SLC35D2: variants seen among roughly 807,000 people sequenced by gnomAD.
SLC35D2 encodes nucleotide sugar transporter SLC35D2.
In SLC35D2, 43 loss-of-function variants were observed where a neutral mutation model predicts 41.8. The observed-to-expected ratio is 1.03, with a 90% CI of 0.81 to 1.33. SLC35D2 has a LOEUF of 1.33. Ranked by LOEUF, SLC35D2 falls within the 40% of genes most tolerant of loss-of-function variation. SLC35D2 has a pLI of 0.00. For missense variants in SLC35D2, 380 were observed against 408.4 expected (o/e 0.93, Z 0.60); for synonymous variants, 150 against 163.9 (o/e 0.92, Z 0.65).
chr9:96,366,133 T>C (rs1274082841), intron 2 of SLC35D2, among the ~76,000 whole-genome samples: 1 of 151,768 alleles, frequency 6.6e-6, no homozygotes, highest in African/African-American at 2.4e-5. Flanking sequence ...CGAAACCCTA[T>C]CTCTACAAAA....
chr9:96,328,286 G>A (rs59454611), intron 9 of SLC35D2, among the ~76,000 whole-genome samples: 1 of 151,960 alleles, frequency 6.6e-6, no homozygotes, highest in Non-Finnish European at 1.5e-5. Context: ...GCTCAGGCTG[G>A]AGTACAGTGG....
chr9:96,352,809 G>A (rs1829861807), intron 4 of SLC35D2, among the ~76,000 whole-genome samples: 1 of 151,966 alleles, frequency 6.6e-6, no homozygotes, highest in Non-Finnish European at 1.5e-5. Context: ...AGGCCGAGGT[G>A]GGCAGATCAC....
intron 9 of SLC35D2, among the ~76,000 whole-genome samples, chr9:96,329,567 G>C (rs1828714523): frequency 6.6e-6 from 1 of 152,124 alleles, no homozygotes; most frequent in Admixed American, 6.6e-5. Flanking sequence ...TCACATCTAT[G>C]ATCTTCAAAA....
At position 96,348,157 on chromosome 9, in the gene SLC35D2, G is replaced by A. The variant is rs147834829; in HGVS notation, c.489-2756C>T. Among the ~76,000 whole-genome samples the A allele has an allele frequency of 2.1e-4, 32 of 152,276 alleles. No homozygotes were observed. In the East Asian group the frequency reaches 6.2e-3, roughly 29 times the overall value. On this transcript the variant is annotated intron_variant, in intron 6 of 11. Coordinates refer to ENST00000253270, the MANE Select transcript of SLC35D2 (RefSeq NM_007001.3). Reference sequence around the variant, plus strand: ...ATCCAAGAACCCTCTCTTGGGGTCTGGATCAGGACCCTTTCCTGTAACAGG... The same window carrying A: ...ATCCAAGAACCCTCTCTTGGGGTCTAGATCAGGACCCTTTCCTGTAACAGG...
intron 4 of SLC35D2, among the ~76,000 whole-genome samples, chr9:96,356,905 G>T (rs545849010): frequency 2.6e-5 from 4 of 151,768 alleles, no homozygotes; most frequent in Non-Finnish European, 5.9e-5. Flanking sequence ...AGATAGGCTG[G>T]GCGTGGTGGC....
At chr9:96,371,766 G>A (rs1280722514) in intron 1 of SLC35D2, among the ~76,000 whole-genome samples, 3 of 109,596 alleles carry the variant, frequency 2.7e-5, no homozygotes, top group African/African-American at 3.7e-5. Flanking sequence ...TCGCTCTGTC[G>A]CCCAGGCTGG....
chr9:96,323,016 GTTTTTC>G (rs1337338909), intron 10 of SLC35D2, among the ~76,000 whole-genome samples: 2 of 146,170 alleles, frequency 1.4e-5, no homozygotes, highest in African/African-American at 5.0e-5. Flanking sequence ...ACTGTGCCTG[GTTTTTC>G]TTTTTTTTTT....
chr9:96,343,890 T>G lies in SLC35D2; in HGVS notation c.684+14A>C. On this transcript the variant is annotated intron_variant, in intron 8 of 11. Coordinates refer to ENST00000253270, the MANE Select transcript of SLC35D2 (RefSeq NM_007001.3). ...GCCAGCTAAGGAAAACTGTAATGAT[T>G]GTCATCAGCTCACCTGTTGCAGGTC... The G allele has an allele frequency of 6.7e-7, 1 of 1,485,788 alleles. No homozygotes were observed. Among genetic ancestry groups the G allele is most frequent in the Non-Finnish European group, 9.0e-7 (1 of 1,107,884 alleles). The allele number at this position is 1,485,788 out of a possible 1,614,324, so 92.0% of individuals were successfully genotyped here. A position where few individuals can be genotyped will look rare whatever the true frequency, so the allele number is the denominator to read the frequency against.
At chr9:96,349,917 T>C (rs965951560) in intron 6 of SLC35D2, among the ~76,000 whole-genome samples, 1 of 152,106 alleles carries the variant, frequency 6.6e-6, no homozygotes, top group African/African-American at 2.4e-5. Flanking sequence ...TCCTCCCTCT[T>C]TAAACTACTT....
intron 9 of SLC35D2, among the ~76,000 whole-genome samples, chr9:96,329,329 C>T (rs1008428179): frequency 9.2e-5 from 14 of 151,912 alleles, no homozygotes; most frequent in Admixed American, 1.3e-4. Flanking sequence ...CTCCTGAGCT[C>T]AAGCAATCCT....
At chr9:96,329,722 A>C (rs973304120) in intron 9 of SLC35D2, among the ~76,000 whole-genome samples, 1 of 152,188 alleles carries the variant, frequency 6.6e-6, no homozygotes, top group African/African-American at 2.4e-5. Context: ...TAGCTTTTAA[A>C]CTTTTATTTT....
At chr9:96,381,347 G>A (rs539490266) in intron 1 of SLC35D2, among the ~76,000 whole-genome samples, 2 of 152,316 alleles carry the variant, frequency 1.3e-5, no homozygotes, top group African/African-American at 4.8e-5. Flanking sequence ...CAGAGCCCTG[G>A]CGGTGGCCTC....
chr9:96,330,526 T>C (rs1034735500), intron 9 of SLC35D2, among the ~76,000 whole-genome samples: 3 of 152,212 alleles, frequency 2.0e-5, no homozygotes, highest in African/African-American at 4.8e-5. Flanking sequence ...TGACACAACA[T>C]GTATCCTGCA....
At chr9:96,327,870 C>G (rs751364651) in intron 9 of SLC35D2, among the ~76,000 whole-genome samples, 7 of 148,612 alleles carry the variant, frequency 4.7e-5, no homozygotes, top group Admixed American at 6.7e-5. Flanking sequence ...AATCCTCCCT[C>G]TCTGGCCTCC....
downstream of SLC35D2, among the ~76,000 whole-genome samples, chr9:96,320,038 C>T (rs1828152870): frequency 6.6e-6 from 1 of 152,228 alleles, no homozygotes; most frequent in African/African-American, 2.4e-5. Context: ...TCCCGCACTC[C>T]AGTTCCAGTG....
intron 1 of SLC35D2, among the ~76,000 whole-genome samples, chr9:96,382,253 T>C (rs1831224816): frequency 6.6e-6 from 1 of 151,652 alleles, no homozygotes; most frequent in African/African-American, 2.4e-5. Flanking sequence ...AAAGCAGGCC[T>C]AGACCAGCCT....
At chr9:96,336,269 G>A (rs1013660282) in intron 9 of SLC35D2, among the ~76,000 whole-genome samples, 1 of 152,078 alleles carries the variant, frequency 6.6e-6, no homozygotes, top group African/African-American at 2.4e-5. Flanking sequence ...TGCCAGGCCT[G>A]GAGGCAGGAG....
At chr9:96,340,968 T>C (rs1829298340) in intron 8 of SLC35D2, among the ~76,000 whole-genome samples, 1 of 152,160 alleles carries the variant, frequency 6.6e-6, no homozygotes, top group South Asian at 2.1e-4. Context: ...GAGGAGGATA[T>C]TCTCCTAGAG....
intron 9 of SLC35D2, among the ~76,000 whole-genome samples, chr9:96,324,988 A>T (rs1239163941): frequency 6.6e-6 from 1 of 152,170 alleles, no homozygotes; most frequent in Non-Finnish European, 1.5e-5. Context: ...AGAGCAGAGG[A>T]CCTCTGGTGT....
Sources: gnomAD v4.1 joint callset for allele counts (sites outside exome capture counted in the v4.1 genomes callset) on GRCh38, gnomAD v4.1.1 for gene constraint, MANE v1.5 for transcripts, NCBI Gene and HGNC (gene_info 2026-07-23, HGNC 2026-07-21) for gene names.